CADPS: variants seen among roughly 807,000 people sequenced by gnomAD.
CADPS encodes the protein calcium dependent secretion activator.
Under a neutral mutation model 167.3 loss-of-function variants are expected in CADPS, and 57 were observed. That is an observed-to-expected ratio of 0.34 (90% confidence interval 0.28 to 0.42). The LOEUF is 0.42. CADPS is among the 20% of genes least tolerant of loss of function. The probability of loss-of-function intolerance (pLI) is 1.00; values close to 1 mark genes in which losing one functional copy is unlikely to be tolerated. For missense variants in CADPS, 1,414 were observed against 1,738.1 expected, an observed-to-expected ratio of 0.81 and a Z score of 3.32; for synonymous variants, 676 against 635.3, an observed-to-expected ratio of 1.06 and a Z score of -0.96.
chr3:62,590,599 A>C (rs1272807837), intron 7 of CADPS, among the ~76,000 whole-genome samples: 1 of 152,052 alleles, frequency 6.6e-6, no homozygotes, highest in African/African-American at 2.4e-5. Flanking sequence ...ATATGACTCC[A>C]GGTTGATTCT....
intron 3 of CADPS, among the ~76,000 whole-genome samples, chr3:62,709,037 G>A (rs1310151701): frequency 6.7e-6 from 1 of 150,300 alleles, no homozygotes; most frequent in African/African-American, 2.5e-5. Flanking sequence ...GCATTTGAAG[G>A]TACTTATAAG....
chr3:62,772,436 T>C (rs148047707), intron 1 of CADPS, among the ~76,000 whole-genome samples: 3,458 of 152,306 alleles, frequency 0.023, 65 homozygotes, highest in South Asian at 0.061. Context: ...GTATAATCCT[T>C]TTCTTTCCTG....
chr3:62,725,229 TA>T (rs1175269437), intron 3 of CADPS, among the ~76,000 whole-genome samples: 1 of 152,204 alleles, frequency 6.6e-6, no homozygotes, highest in Non-Finnish European at 1.5e-5. Flanking sequence ...TCCAAGATGG[TA>T]GTTAACAGCC....
At chr3:62,762,345 T>A (rs572180763) in intron 2 of CADPS, among the ~76,000 whole-genome samples, 1 of 152,256 alleles carries the variant, frequency 6.6e-6, no homozygotes, top group East Asian at 1.9e-4. Context: ...TTATGAGTAA[T>A]CTAGAGATGA....
intron 3 of CADPS, among the ~76,000 whole-genome samples, chr3:62,743,763 T>A (rs931212338): frequency 6.6e-6 from 1 of 152,162 alleles, no homozygotes; most frequent in Non-Finnish European, 1.5e-5. Flanking sequence ...GTAGTCTCCA[T>A]TGAATAGATG....
At chr3:62,554,171 T>C (rs1157511183) in intron 10 of CADPS, among the ~76,000 whole-genome samples, 1 of 152,224 alleles carries the variant, frequency 6.6e-6, no homozygotes, top group Non-Finnish European at 1.5e-5. Flanking sequence ...TCTAATCGGA[T>C]AGAAATTGAG....
intron 11 of CADPS, among the ~76,000 whole-genome samples, chr3:62,549,145 G>T (rs553498944): frequency 7.9e-5 from 12 of 152,230 alleles, no homozygotes; most frequent in Non-Finnish European, 1.5e-4. Context: ...TAAAGCAAAA[G>T]ACTCTATTTA....
Position 62,783,558 on chromosome 3 carries a change from G to A in CADPS, c.442-17574C>T, listed in dbSNP as rs73842239. 9.0e-3 allele frequency among the ~76,000 whole-genome samples: 1,367 copies of A among 152,144 alleles called. 22 individuals carry two copies. Among genetic ancestry groups the A allele is most frequent in the African/African-American group, 0.03 (1,262 of 41,500 alleles). On this transcript the variant is annotated intron_variant, in intron 1 of 29. Coordinates refer to ENST00000383710, the MANE Select transcript of CADPS (RefSeq NM_003716.4). ...GACAACTATGTGGGACTTGAATTCCGGCTCAGCATTTATTAGTTGTGAGAC... is the reference window on the plus strand; with the variant it reads ...GACAACTATGTGGGACTTGAATTCCAGCTCAGCATTTATTAGTTGTGAGAC...
At position 62,870,939 on chromosome 3, in the gene CADPS, C is replaced by G. The variant is rs115609138; in HGVS notation, c.441+3650G>C. Among the ~76,000 whole-genome samples, 1,096 of 152,148 alleles carry G rather than the reference C, an allele frequency of 7.2e-3. 16 individuals are homozygous for G. The highest frequency in any genetic ancestry group is 0.024 in the African/African-American group (1,003 of 41,526). ...ATTCTGACAAAAGAAGAAGAAAAAG[C>G]AAAGAACTGCTTTCCAAACTGTCAT... On this transcript the variant is annotated intron_variant, in intron 1 of 29. Coordinates refer to ENST00000383710, the MANE Select transcript of CADPS (RefSeq NM_003716.4).
At chr3:62,844,728 G>A (rs148353619) in intron 1 of CADPS, among the ~76,000 whole-genome samples, 81 of 152,274 alleles carry the variant, frequency 5.3e-4, no homozygotes, top group African/African-American at 1.8e-3. Context: ...TGGGAAAATC[G>A]ATTCTTAGTA....
intron 28 of CADPS, among the ~76,000 whole-genome samples, chr3:62,415,444 C>T (rs759056771): frequency 2.6e-5 from 4 of 152,078 alleles, no homozygotes; most frequent in Non-Finnish European, 4.4e-5. Context: ...CCCAGGGGTG[C>T]TGCAAACAGA....
At chr3:62,485,342 T>C (rs2062650667) in intron 21 of CADPS, among the ~76,000 whole-genome samples, 1 of 152,200 alleles carries the variant, frequency 6.6e-6, no homozygotes, top group Non-Finnish European at 1.5e-5. Flanking sequence ...AGCGTTTGCA[T>C]GCTCTCCCTC....
At chr3:62,770,083 A>G (rs2367221) in intron 1 of CADPS, among the ~76,000 whole-genome samples, 19,040 of 152,102 alleles carry the variant, frequency 0.13, 1,270 homozygotes, top group South Asian at 0.18. Context: ...TCTCCAGCAC[A>G]CTGGTGTCTT....
chr3:62,583,784 T>TC (rs913265720), intron 8 of CADPS, among the ~76,000 whole-genome samples: 1 of 150,902 alleles, frequency 6.6e-6, no homozygotes, highest in Non-Finnish European at 1.5e-5. Context: ...TGGGCTTTTT[T>TC]TGCTTCCTAG....
chr3:62,869,588 CTT>C (rs1455664261), intron 1 of CADPS, among the ~76,000 whole-genome samples: 1 of 152,062 alleles, frequency 6.6e-6, no homozygotes. Context: ...TGCATGCACT[CTT>C]CTTTCTTCCT....
intron 18 of CADPS, among the ~76,000 whole-genome samples, chr3:62,494,787 G>A (rs554621283): frequency 6.7e-6 from 1 of 148,652 alleles, no homozygotes; most frequent in Non-Finnish European, 1.5e-5. Context: ...AATTACAGGC[G>A]CCTGCCACCA....
intron 29 of CADPS, among the ~76,000 whole-genome samples, chr3:62,400,191 C>T (rs986752242): frequency 2.0e-5 from 3 of 152,182 alleles, no homozygotes; most frequent in African/African-American, 7.2e-5. Context: ...TTCTTCTCTC[C>T]TTGGGAAAGA....
At chr3:62,462,297 C>T (rs1020902693) in intron 26 of CADPS, among the ~76,000 whole-genome samples, 2 of 152,254 alleles carry the variant, frequency 1.3e-5, no homozygotes, top group Non-Finnish European at 2.9e-5. Flanking sequence ...TGCGCTTGGG[C>T]GCCTCTCGGG....
intron 1 of CADPS, among the ~76,000 whole-genome samples, chr3:62,856,515 T>TA (rs1032271074): frequency 1.4e-4 from 21 of 151,908 alleles, no homozygotes; most frequent in African/African-American, 4.8e-4. Flanking sequence ...TTCCAAAGAA[T>TA]AAAAAAATGC....
Sources: allele counts gnomAD v4.1 joint callset (sites outside exome capture counted in the v4.1 genomes callset), GRCh38; gene constraint gnomAD v4.1.1; transcripts MANE v1.5; gene names NCBI Gene and HGNC (gene_info 2026-07-23, HGNC 2026-07-21).